The following STAG1 variants were observed in gnomAD, a reference collection of about 807,000 sequenced individuals.
STAG1 encodes cohesin subunit SA-1.
In STAG1, 26 loss-of-function variants were observed where a neutral mutation model predicts 170.9. That is an observed-to-expected ratio of 0.15 (90% CI 0.11 to 0.21). STAG1 has a LOEUF of 0.21. Among genes scored for constraint, STAG1 ranks in the 10% least tolerant of loss-of-function variants. The probability of loss-of-function intolerance (pLI) is 1.00; values close to 1 mark genes in which losing one functional copy is unlikely to be tolerated. For synonymous variants in STAG1, 514 were observed against 497.7 expected (o/e 1.03, Z -0.44); for missense variants, 964 against 1,509.5 (o/e 0.64, Z 5.99).
chr3:136,470,916 A>G (rs1037890255), intron 12 of STAG1, among the ~76,000 whole-genome samples: 2 of 148,706 alleles, frequency 1.3e-5, no homozygotes, highest in African/African-American at 4.9e-5. Flanking sequence ...TCTCACTCAT[A>G]GGTGGGAATT....
At chr3:136,572,601 CAAAA>C (rs11379268) in intron 4 of STAG1, among the ~76,000 whole-genome samples, 1 of 66,700 alleles carries the variant, frequency 1.5e-5, no homozygotes, top group Non-Finnish European at 2.8e-5. Flanking sequence ...AAGACTGTCT[CAAAA>C]AAAAAAAAAA....
At chr3:136,497,569 G>A (rs574866154) in intron 9 of STAG1, among the ~76,000 whole-genome samples, 3 of 152,096 alleles carry the variant, frequency 2.0e-5, no homozygotes, top group Non-Finnish European at 2.9e-5. Context: ...GGCTGGGCGC[G>A]ATGGCTCATG....
At chr3:136,666,745 T>C (rs1941794145) in intron 1 of STAG1, among the ~76,000 whole-genome samples, 1 of 150,674 alleles carries the variant, frequency 6.6e-6, no homozygotes, top group African/African-American at 2.4e-5. Flanking sequence ...GCTAGAACCC[T>C]GGAGGTGGAG....
intron 16 of STAG1, among the ~76,000 whole-genome samples, chr3:136,432,059 A>G (rs1485135395): frequency 6.6e-6 from 1 of 152,098 alleles, no homozygotes; most frequent in Non-Finnish European, 1.5e-5. Context: ...AGTGCACATG[A>G]TGGTGGTTCC....
intron 29 of STAG1, among the ~76,000 whole-genome samples, chr3:136,345,435 T>G (rs1409427880): frequency 1.3e-5 from 2 of 150,012 alleles, no homozygotes; most frequent in Admixed American, 6.7e-5. Flanking sequence ...CAAACTGTCC[T>G]GATAAAATAT....
At chr3:136,599,139 T>A (rs1938561801) in intron 4 of STAG1, among the ~76,000 whole-genome samples, 1 of 152,162 alleles carries the variant, frequency 6.6e-6, no homozygotes, top group African/African-American at 2.4e-5. Flanking sequence ...ATGTGTATGT[T>A]CATTGCAGCA....
chr3:136,743,090 G>C (rs1221618714), intron 1 of STAG1, among the ~76,000 whole-genome samples: 1 of 152,216 alleles, frequency 6.6e-6, no homozygotes, highest in Non-Finnish European at 1.5e-5. Flanking sequence ...ATACTGGCCA[G>C]ATGCAGTGGC....
chr3:136,653,252 A>T (rs191883885), intron 1 of STAG1, among the ~76,000 whole-genome samples: 44 of 152,134 alleles, frequency 2.9e-4, no homozygotes, highest in African/African-American at 1.0e-3. Context: ...AGCCTGGGCA[A>T]CAAGAGCAAA....
chr3:136,356,111 G>A (rs1936643523), intron 28 of STAG1, among the ~76,000 whole-genome samples: 1 of 148,728 alleles, frequency 6.7e-6, no homozygotes, highest in Non-Finnish European at 1.5e-5. Context: ...GCTGCTCTCA[G>A]ACTCTTGCCC....
At chr3:136,741,417 C>T (rs1415449517) in intron 1 of STAG1, among the ~76,000 whole-genome samples, 2 of 152,180 alleles carry the variant, frequency 1.3e-5, no homozygotes, top group Non-Finnish European at 2.9e-5. Flanking sequence ...CAGACATTAG[C>T]ATATGATCAA....
At chr3:136,659,907 G>A (rs1941519981) in intron 1 of STAG1, among the ~76,000 whole-genome samples, 1 of 152,112 alleles carries the variant, frequency 6.6e-6, no homozygotes, top group South Asian at 2.1e-4. Context: ...GGCTGGGCAT[G>A]ATAGTTCATA....
At chr3:136,510,135 T>C (rs1429653405) in intron 7 of STAG1, among the ~76,000 whole-genome samples, 2 of 152,230 alleles carry the variant, frequency 1.3e-5, no homozygotes, top group African/African-American at 4.8e-5. Context: ...ACTGGGTATA[T>C]ACCTGATATG....
At chr3:136,367,803 G>T (rs533368257) in intron 24 of STAG1, among the ~76,000 whole-genome samples, 1 of 152,128 alleles carries the variant, frequency 6.6e-6, no homozygotes, top group South Asian at 2.1e-4. Flanking sequence ...AATTTTTAAA[G>T]CCCTATCAAA....
intron 1 of STAG1, among the ~76,000 whole-genome samples, chr3:136,730,075 T>A (rs985352117): frequency 5.3e-5 from 8 of 151,050 alleles, no homozygotes; most frequent in Admixed American, 4.6e-4. Flanking sequence ...AGAGACAGAG[T>A]CGCCCTCTGT....
intron 5 of STAG1, among the ~76,000 whole-genome samples, chr3:136,543,895 A>G (rs1559870506): frequency 6.6e-6 from 1 of 151,106 alleles, no homozygotes; most frequent in East Asian, 1.9e-4. Flanking sequence ...TTGGGCATTC[A>G]TTTTTTTTTC....
At chr3:136,751,788 G>C (rs1239587323) in intron 1 of STAG1, among the ~76,000 whole-genome samples, 1 of 148,484 alleles carries the variant, frequency 6.7e-6, no homozygotes, top group African/African-American at 2.5e-5. Context: ...CTGGGCGCGG[G>C]CGACTCCCGA....
chr3:136,477,852 A>T (rs1410560817), intron 9 of STAG1, among the ~76,000 whole-genome samples: 1 of 152,172 alleles, frequency 6.6e-6, no homozygotes, highest in Non-Finnish European at 1.5e-5. Context: ...GTGCAGTGGC[A>T]TGATTTCGGC....
intron 21 of STAG1, among the ~76,000 whole-genome samples, chr3:136,404,085 C>T (rs1480740971): frequency 6.6e-6 from 1 of 152,140 alleles, no homozygotes; most frequent in African/African-American, 2.4e-5. Flanking sequence ...CAATGTTATC[C>T]TAACTTGTCC....
chr3:136,567,817 T>C (rs561229158), intron 5 of STAG1, among the ~76,000 whole-genome samples: 8 of 152,362 alleles, frequency 5.3e-5, no homozygotes, highest in Admixed American at 2.0e-4. Context: ...AGCACACAGC[T>C]TGCCACATAC....
Sources: allele counts gnomAD v4.1 joint callset (sites outside exome capture counted in the v4.1 genomes callset), GRCh38; gene constraint gnomAD v4.1.1; transcripts MANE v1.5; gene names NCBI Gene and HGNC (gene_info 2026-07-23, HGNC 2026-07-21).